Variants in SPEN observed in about 807,000 individuals in gnomAD.
SPEN encodes the protein msx2-interacting protein.
Under a neutral mutation model 269.9 loss-of-function variants are expected in SPEN, and 18 were observed. The observed-to-expected ratio is 0.07, with a 90% CI of 0.05 to 0.10. The LOEUF is 0.10. Ranked by LOEUF, SPEN falls within the 10% of genes least tolerant of loss-of-function variation. The pLI is 1.00. For missense variants in SPEN, 3,822 were observed against 4,631.2 expected (o/e 0.83, Z 5.07); for synonymous variants, 1,726 against 1,765.7 (o/e 0.98, Z 0.56).
chr1:15,934,218 G>A lies in SPEN; in HGVS notation c.7978G>A (p.Val2660Ile), dbSNP rs1390995788. 1.2e-6 allele frequency: 2 copies of A among 1,614,230 alleles called. No homozygotes were observed. The highest frequency in any genetic ancestry group is 1.7e-5 in the Admixed American group (1 of 60,034). ...GAGCGCACTCACTGGCCTGGTGAAC[G>A]TCTCCCTGGTCCCGGTGAATGCCCT... is the stretch of plus-strand genomic sequence containing the variant. ...LVSALTGLVN[V>I]SLVPVNALKG... is the part of the protein sequence containing the mutation. The change falls in exon 11 of 15, where the codon GTC (valine) becomes ATC (isoleucine). Residue 2660 changes from valine to isoleucine, a missense_variant. Val to Ile is a conservative substitution (Grantham distance 29). Around this residue, in one of 16 missense-constraint regions of SPEN, gnomAD observed 329 missense variants for 431.2 expected, o/e 0.76. Transcript: ENST00000375759. The surrounding 1 kb of genome is among the most constrained non-coding windows in gnomAD (Gnocchi z 9.2).
At chr1:15,920,346 G>C (rs2071106625) in intron 8 of SPEN, among the ~76,000 whole-genome samples, 1 of 152,192 alleles carries the variant, frequency 6.6e-6, no homozygotes, top group Admixed American at 6.5e-5. Context: ...TGAGATTACA[G>C]GCACTGCGCC....
intron 1 of SPEN, among the ~76,000 whole-genome samples, chr1:15,860,839 A>G (rs563164485): frequency 5.3e-5 from 8 of 152,076 alleles, no homozygotes; most frequent in Non-Finnish European, 1.2e-4. Context: ...TGACCTTGTC[A>G]TCCGCCTGCC....
chr1:15,877,719 C>A (rs1333553606), intron 3 of SPEN, among the ~76,000 whole-genome samples: 1 of 136,100 alleles, frequency 7.3e-6, no homozygotes, highest in African/African-American at 2.7e-5. Context: ...TATTTATGTT[C>A]TTCAGGTCTC....
chr1:15,912,009 G>T (rs1455620960), intron 5 of SPEN, among the ~76,000 whole-genome samples: 1 of 152,172 alleles, frequency 6.6e-6, no homozygotes, highest in African/African-American at 2.4e-5. Context: ...ATATTGATGT[G>T]GGGGACTTGT....
chr1:15,904,479 T>TAAAAAAAAAAAAAAAAAAA (rs1557750239), intron 3 of SPEN, among the ~76,000 whole-genome samples: 7 of 81,114 alleles, frequency 8.6e-5, no homozygotes, highest in South Asian at 4.4e-4. Context: ...AAAAAAAAAG[T>TAAAAAAAAAAAAAAAAAAA]GAACTAAAAA....
chr1:15,856,449 C>T (rs946744276), intron 1 of SPEN, among the ~76,000 whole-genome samples: 3 of 151,828 alleles, frequency 2.0e-5, no homozygotes, highest in Admixed American at 6.6e-5. Context: ...TTGTGATTTT[C>T]GTCACCAATA....
At chr1:15,852,982 A>G (rs2070350540) in intron 1 of SPEN, among the ~76,000 whole-genome samples, 1 of 151,972 alleles carries the variant, frequency 6.6e-6, no homozygotes, top group African/African-American at 2.4e-5. Context: ...TCAGCCTGCA[A>G]AGTAGCTAGA....
Position 15,933,527 on chromosome 1 carries a change from A to C in SPEN, c.7287A>C (p.Pro2429=), listed in dbSNP as rs1199472642. ...ERTPTKASVP[P]DLPPPPQPAP... ...CTCCAACCAAAGCATCTGTGCCCCC[A>C]GACCTTCCCCCACCTCCCCAGCCAG... The change falls in exon 11 of 15, where the codon CCA becomes CCC. Residue 2429 remains proline, a synonymous_variant. Coordinates refer to ENST00000375759, the MANE Select transcript of SPEN (RefSeq NM_015001.3). This position sits in a 1 kb window ranked among gnomAD's most constrained non-coding sequence, Gnocchi z 5.7. The C allele has an allele frequency of 6.2e-7, 1 of 1,613,918 alleles. No homozygotes were observed. Among genetic ancestry groups the C allele is most frequent in the South Asian group, 1.1e-5 (1 of 91,056 alleles).
At chr1:15,879,960 G>A (rs1305754947) in intron 3 of SPEN, among the ~76,000 whole-genome samples, 5 of 152,074 alleles carry the variant, frequency 3.3e-5, no homozygotes, top group Admixed American at 2.0e-4. Context: ...GTGAGCCACC[G>A]CGCCTGGCCC....
intron 9 of SPEN, among the ~76,000 whole-genome samples, chr1:15,921,305 G>A (rs2071117787): frequency 6.6e-6 from 1 of 152,202 alleles, no homozygotes; most frequent in Admixed American, 6.5e-5. Context: ...ACTCCAGCCT[G>A]GGTGACAGAG....
At chr1:15,862,233 T>C (rs2070455875) in intron 1 of SPEN, among the ~76,000 whole-genome samples, 3 of 152,320 alleles carry the variant, frequency 2.0e-5, no homozygotes, top group South Asian at 4.1e-4. Flanking sequence ...TCTAAGTGCT[T>C]TGTTTACTGT....
chr1:15,922,690 ATGGCTCACTGCAGTCTC>A (rs1338650001), intron 10 of SPEN, among the ~76,000 whole-genome samples: 2 of 152,046 alleles, frequency 1.3e-5, no homozygotes, highest in Non-Finnish European at 2.9e-5. Flanking sequence ...TGGCATGATC[ATGGCTCACTGCAGTCTC>A]TGCCTTATAG....
intron 2 of SPEN, among the ~76,000 whole-genome samples, chr1:15,875,997 C>T (rs1246469756): frequency 1.3e-5 from 2 of 152,130 alleles, no homozygotes. Context: ...ACAATGAAAA[C>T]AATGATTGCT....
chr1:15,892,691 A>AT (rs1467690726), intron 3 of SPEN, among the ~76,000 whole-genome samples: 1 of 152,190 alleles, frequency 6.6e-6, no homozygotes, highest in Non-Finnish European at 1.5e-5. Context: ...CGAAATATTT[A>AT]TTTCAAAGTC....
At chr1:15,858,100 C>T (rs2070405082) in intron 1 of SPEN, among the ~76,000 whole-genome samples, 1 of 152,052 alleles carries the variant, frequency 6.6e-6, no homozygotes, top group Non-Finnish European at 1.5e-5. Context: ...TGTACTCCAG[C>T]CTGGTGACAG....
chr1:15,894,306 T>C (rs575381634), intron 3 of SPEN, among the ~76,000 whole-genome samples: 1 of 152,312 alleles, frequency 6.6e-6, no homozygotes, highest in African/African-American at 2.4e-5. Flanking sequence ...GATTTCTTGT[T>C]CTTAGGCAGA....
chr1:15,898,156 T>C (rs2070860482), intron 3 of SPEN, among the ~76,000 whole-genome samples: 1 of 149,928 alleles, frequency 6.7e-6, no homozygotes, highest in African/African-American at 2.5e-5. Flanking sequence ...CTTTGTATTT[T>C]ACTTCTTAAT....
intron 3 of SPEN, among the ~76,000 whole-genome samples, chr1:15,891,539 A>G (rs1195734969): frequency 6.6e-6 from 1 of 151,688 alleles, no homozygotes; most frequent in African/African-American, 2.4e-5. Flanking sequence ...TTTGGTAGAG[A>G]TGGGGTTTCA....
At chr1:15,922,373 G>A (rs781637122) in intron 10 of SPEN, 24 bp downstream of exon 10, 1 of 1,505,590 alleles carries the variant, frequency 6.6e-7, no homozygotes, top group South Asian at 1.2e-5. Context: ...ACTTACCAGT[G>A]TAGCTTGAGT....
Sources: gnomAD v4.1 joint callset for allele counts (sites outside exome capture counted in the v4.1 genomes callset) on GRCh38, gnomAD v4.1.1 for gene constraint, gnomAD v4.1.1 regional missense constraint, Gnocchi (gnomAD v3.1) non-coding constraint, MANE v1.5 for transcripts, NCBI Gene and HGNC (gene_info 2026-07-23, HGNC 2026-07-21) for gene names.